Variants in POLE observed in about 807,000 individuals in gnomAD.
POLE encodes the protein DNA polymerase epsilon, catalytic subunit.
POLE carries 188 observed loss-of-function variants against 279.2 expected under a neutral mutation model. The ratio of observed to expected loss-of-function variants is 0.67; its 90% CI spans 0.60 to 0.76. The LOEUF is 0.76. POLE is among the 30% of genes least tolerant of loss of function. The probability of loss-of-function intolerance (pLI) is 0.00; values close to 1 mark genes in which losing one functional copy is unlikely to be tolerated. For missense variants in POLE, 2,703 were observed against 3,016.7 expected, an observed-to-expected ratio of 0.90 and a Z score of 2.44; for synonymous variants, 1,214 against 1,172.5, an observed-to-expected ratio of 1.04 and a Z score of -0.72.
In POLE at chr12:132,655,199, C is replaced by T. The variant is rs181577195; in HGVS notation, c.3582+1937G>A. ...ATACATGCATTTAGATATATAAATG[C>T]GTATACAAGTCCTGTTTAACTGCAT... On this transcript the variant is annotated intron_variant, in intron 29 of 48. Transcript: ENST00000320574. Among the ~76,000 whole-genome samples, 49 of 152,272 alleles carry T rather than the reference C, an allele frequency of 3.2e-4. No homozygotes were observed. In the East Asian group the frequency reaches 5.6e-3, roughly 17 times the overall value.
At chr12:132,631,042 T>C (rs1192371454) in intron 45 of POLE, among the ~76,000 whole-genome samples, 1 of 152,182 alleles carries the variant, frequency 6.6e-6, no homozygotes, top group East Asian at 1.9e-4. Context: ...CACCCCAAAG[T>C]GAAAGCAACG....
intron 29 of POLE, among the ~76,000 whole-genome samples, chr12:132,654,312 A>ATCC (rs2042487117): frequency 6.6e-6 from 1 of 151,406 alleles, no homozygotes; most frequent in Non-Finnish European, 1.5e-5. Context: ...GGCTCAAGCT[A>ATCC]TCCTCCCGCC....
intron 2 of POLE, 162 bp downstream of exon 2, chr12:132,680,976 C>T: frequency 1.2e-6 from 1 of 808,378 alleles, no homozygotes; most frequent in Non-Finnish European, 1.9e-6. Context: ...CTCTGTGGCC[C>T]TCAATGACGT....
Position 132,675,592 on chromosome 12 carries a change from A to G in POLE, c.1107-75T>C, listed in dbSNP as rs1210435558. On this transcript the variant is annotated intron_variant, in intron 11 of 48. Transcript: ENST00000320574. This position sits in a 1 kb window ranked among gnomAD's most constrained non-coding sequence, Gnocchi z 4.3. ...GCCCCTTTCTCCATTCCTCCCTCAG[A>G]CCCAGGGAGGAACCCAGACACGGGA... The G allele has an allele frequency of 3.1e-6, 5 of 1,597,158 alleles. No individual in the cohort carries two copies. The highest frequency in any genetic ancestry group is 3.4e-6 in the Non-Finnish European group (4 of 1,169,114).
At chr12:132,673,103 G>T in intron 14 of POLE, 61 bp downstream of exon 14, 2 of 1,094,446 alleles carry the variant, frequency 1.8e-6, no homozygotes, top group Non-Finnish European at 2.8e-6. Context: ...CAGCTCCAGT[G>T]CATTTGGAAT....
chr12:132,672,484 G>A, intron 15 of POLE, 143 bp downstream of exon 15: 3 of 1,063,150 alleles, frequency 2.8e-6, no homozygotes, highest in Non-Finnish European at 4.2e-6. Context: ...AGCCCCCGGG[G>A]GGTGCTGGGC....
chr12:132,658,843 T>C (rs1266772254), intron 26 of POLE, among the ~76,000 whole-genome samples: 1 of 120,624 alleles, frequency 8.3e-6, no homozygotes, highest in South Asian at 2.6e-4. Flanking sequence ...ATCAACCCCA[T>C]GCAGGCATTT....
chr12:132,655,092 T>A (rs1042448966), intron 29 of POLE, among the ~76,000 whole-genome samples: 1 of 152,210 alleles, frequency 6.6e-6, no homozygotes, highest in African/African-American at 2.4e-5. Flanking sequence ...CTTTATAACT[T>A]CTGTCTACTT....
intron 12 of POLE, among the ~76,000 whole-genome samples, chr12:132,674,202 G>C (rs548290506): frequency 9.4e-6 from 1 of 105,994 alleles, no homozygotes; most frequent in Non-Finnish European, 1.8e-5. Flanking sequence ...AAGAAAAGAA[G>C]GCCCCCCACA....
At chr12:132,659,055 G>C (rs570015337) in intron 26 of POLE, among the ~76,000 whole-genome samples, 28 of 152,318 alleles carry the variant, frequency 1.8e-4, no homozygotes, top group African/African-American at 6.7e-4. Flanking sequence ...CTCTGGTATA[G>C]TGTATCTCAT....
chr12:132,685,434 C>T (rs1448573541), intron 1 of POLE, among the ~76,000 whole-genome samples: 2 of 152,252 alleles, frequency 1.3e-5, no homozygotes, highest in African/African-American at 2.4e-5. Context: ...CCACTGGTGT[C>T]CCCATTTCAC....
chr12:132,649,693 G>A lies in POLE; in HGVS notation c.3779C>T (p.Ala1260Val), dbSNP rs2138612498. The A allele has an allele frequency of 6.2e-7, 1 of 1,614,022 alleles. No homozygotes were observed. Among genetic ancestry groups the A allele is most frequent in the Non-Finnish European group, 8.5e-7 (1 of 1,180,020 alleles). Residue 1260 changes from alanine to valine, a missense_variant, in exon 30 of 49, where the codon GCC becomes GTC. Physicochemically the swap from Ala to Val is moderately conservative, Grantham distance 64 (BLOSUM62 0). Transcript: ENST00000320574. ...PWQEILGQPP[A>V]LGTSQEEWLV... ...GTGCCTTACCTGGCTGGTTCCCAGG[G>A]CGGGAGGCTGCCCCAAGATTTCCTG...
intron 29 of POLE, among the ~76,000 whole-genome samples, chr12:132,652,052 A>G (rs943889471): frequency 3.3e-5 from 5 of 152,204 alleles, no homozygotes; most frequent in African/African-American, 1.2e-4. Flanking sequence ...CTTCTGTGCT[A>G]CATGTAAGTT....
rs1216310490 is a variant in POLE, at chr12:132,673,437, G to A, written c.1359+138C>T. 8 of 1,308,324 alleles carry A rather than the reference G, an allele frequency of 6.1e-6. No individual in the cohort carries two copies. The East Asian group carries it at 1.4e-4, about 23-fold the overall frequency. 81.0% of individuals were successfully genotyped at this position (1,308,324 alleles called of 1,614,324 possible). A position where few individuals can be genotyped will look rare whatever the true frequency, so the allele number is the denominator to read the frequency against. ...GTGTGTCCCGGAGACACAGCCTGCTGGGTGGAGCGGGCTGGCATACATGCG... is the reference window on the plus strand; with the variant it reads ...GTGTGTCCCGGAGACACAGCCTGCTAGGTGGAGCGGGCTGGCATACATGCG... On this transcript the variant is annotated intron_variant, in intron 13 of 48. Transcript: ENST00000320574.
At chr12:132,663,712 G>C (rs774479542) in intron 23 of POLE, among the ~76,000 whole-genome samples, 1 of 152,156 alleles carries the variant, frequency 6.6e-6, no homozygotes, top group Non-Finnish European at 1.5e-5. Flanking sequence ...TTAGGGGAAG[G>C]CAGGTTGAAG....
chr12:132,658,898 A>AG (rs2138670461), intron 26 of POLE, among the ~76,000 whole-genome samples: 1 of 151,244 alleles, frequency 6.6e-6, no homozygotes, highest in East Asian at 1.9e-4. Context: ...AAAAAAAAAA[A>AG]AAAAAAAAAA....
chr12:132,663,878 A>G, intron 23 of POLE, 126 bp downstream of exon 23: 1 of 933,380 alleles, frequency 1.1e-6, no homozygotes, highest in Non-Finnish European at 1.6e-6. Context: ...CAGGCTATAG[A>G]AAAGCAATGT....
At chr12:132,649,094 C>A (rs749677953) in intron 31 of POLE, 22 bp from the exon 32 acceptor site, 2 of 1,606,166 alleles carry the variant, frequency 1.2e-6, no homozygotes, top group Non-Finnish European at 1.7e-6. Context: ...CACGGACATA[C>A]AGCACATCAC....
intron 35 of POLE, 102 bp from the exon 36 acceptor site, chr12:132,643,098 C>A: frequency 6.8e-7 from 1 of 1,472,374 alleles, no homozygotes; most frequent in Non-Finnish European, 9.2e-7. Context: ...AATTCAATCA[C>A]GACAAGCACT....
Sources: allele counts gnomAD v4.1 joint callset (sites outside exome capture counted in the v4.1 genomes callset), GRCh38; gene constraint gnomAD v4.1.1; non-coding constraint Gnocchi (gnomAD v3.1); transcripts MANE v1.5; gene names NCBI Gene and HGNC (gene_info 2026-07-23, HGNC 2026-07-21).